The following COL8A1 variants were observed in gnomAD, a reference collection of about 807,000 sequenced individuals.
COL8A1 encodes the protein collagen type VIII alpha 1 chain, also known as collagen alpha-1(VIII) chain.
A neutral mutation model predicts 42.7 loss-of-function variants in COL8A1; 21 were observed. The observed-to-expected ratio is 0.49, with a 90% CI of 0.35 to 0.71. The LOEUF is 0.71. COL8A1 is among the 30% of genes least tolerant of loss of function. The pLI is 0.01. For synonymous variants in COL8A1, 367 were observed against 369.1 expected, an observed-to-expected ratio of 0.99 and a Z score of 0.06; for missense variants, 788 against 962.4, an observed-to-expected ratio of 0.82 and a Z score of 2.40.
At chr3:99,647,390 A>G (rs533221442) in intron 1 of COL8A1, among the ~76,000 whole-genome samples, 30 of 152,338 alleles carry the variant, frequency 2.0e-4, no homozygotes, top group Middle Eastern at 3.4e-3. Context: ...GGGAAACAGG[A>G]ACAAAAGAAG....
intron 1 of COL8A1, among the ~76,000 whole-genome samples, chr3:99,710,463 G>A (rs948228404): frequency 1.3e-5 from 2 of 152,118 alleles, no homozygotes; most frequent in Non-Finnish European, 2.9e-5. Flanking sequence ...CAAATAAAAG[G>A]GACATTGTTA....
intron 1 of COL8A1, among the ~76,000 whole-genome samples, chr3:99,661,853 G>A (rs946379077): frequency 1.3e-5 from 2 of 152,146 alleles, no homozygotes; most frequent in African/African-American, 2.4e-5. Context: ...AAGTGAAATA[G>A]GCCAGTCACA....
At chr3:99,703,936 C>A (rs948063528) in intron 1 of COL8A1, among the ~76,000 whole-genome samples, 6 of 152,124 alleles carry the variant, frequency 3.9e-5, no homozygotes, top group South Asian at 2.1e-4. Context: ...TTTTTTAATT[C>A]AATGCCTTGT....
intron 1 of COL8A1, among the ~76,000 whole-genome samples, chr3:99,699,796 C>A (rs1371145828): frequency 1.3e-5 from 2 of 152,146 alleles, no homozygotes; most frequent in Non-Finnish European, 2.9e-5. Flanking sequence ...CTCCCCCGTC[C>A]CACCTCACAT....
chr3:99,783,075 C>T (rs951926149), intron 2 of COL8A1, among the ~76,000 whole-genome samples: 2 of 152,068 alleles, frequency 1.3e-5, no homozygotes, highest in African/African-American at 4.8e-5. Flanking sequence ...CCAGATGTTT[C>T]CCAACTCCTT....
At chr3:99,732,166 C>A (rs952071567) in intron 1 of COL8A1, among the ~76,000 whole-genome samples, 3 of 152,112 alleles carry the variant, frequency 2.0e-5, no homozygotes, top group African/African-American at 7.2e-5. Flanking sequence ...ACGATTAATG[C>A]ATTCTTATTT....
At chr3:99,733,977 C>T (rs1940614893) in intron 1 of COL8A1, among the ~76,000 whole-genome samples, 1 of 152,004 alleles carries the variant, frequency 6.6e-6, no homozygotes, top group South Asian at 2.1e-4. Flanking sequence ...ATGTCCTTCG[C>T]CCACTTTTTG....
At chr3:99,730,102 T>G (rs1940457367) in intron 1 of COL8A1, among the ~76,000 whole-genome samples, 2 of 152,172 alleles carry the variant, frequency 1.3e-5, no homozygotes, top group African/African-American at 4.8e-5. Context: ...TCCTGATTCC[T>G]CTTCACCAAT....
intron 2 of COL8A1, among the ~76,000 whole-genome samples, chr3:99,752,140 A>G (rs958244931): frequency 1.3e-5 from 2 of 152,188 alleles, no homozygotes; most frequent in Non-Finnish European, 1.5e-5. Context: ...AGTAAACATG[A>G]AAGCTCTTTT....
Position 99,790,754 on chromosome 3 carries a change from C to G in COL8A1, c.72C>G (p.Leu24=). The G allele has an allele frequency of 6.2e-7, 1 of 1,614,162 alleles. No individual in the cohort carries two copies. Among genetic ancestry groups the G allele is most frequent in the Non-Finnish European group, 8.5e-7 (1 of 1,180,036 alleles). ...LLTISLSSIR[L]IQAGAYYGIK... ...CCATTTCCCTGAGTTCCATCAGGCT[C>G]ATTCAGGCTGGTGCCTACTATGGGA... Residue 24 remains leucine (L), a synonymous_variant, in exon 3 of 4, where the codon CTC becomes CTG. Coordinates refer to ENST00000652472, the MANE Select transcript of COL8A1 (RefSeq NM_020351.4).
At chr3:99,652,903 C>T (rs1430418872) in intron 1 of COL8A1, among the ~76,000 whole-genome samples, 1 of 152,134 alleles carries the variant, frequency 6.6e-6, no homozygotes, top group Non-Finnish European at 1.5e-5. Context: ...CTTAAATTAT[C>T]TATGGGAAGC....
intron 1 of COL8A1, among the ~76,000 whole-genome samples, chr3:99,701,069 T>C (rs114056509): frequency 2.5e-3 from 379 of 152,330 alleles, no homozygotes; most frequent in African/African-American, 8.8e-3. Flanking sequence ...ATAGCATGAA[T>C]TTCTTTTCCT....
intron 1 of COL8A1, among the ~76,000 whole-genome samples, chr3:99,682,955 C>T (rs1247492741): frequency 6.6e-6 from 1 of 152,154 alleles, no homozygotes; most frequent in Non-Finnish European, 1.5e-5. Flanking sequence ...GTGAAATATG[C>T]CACGAAGTGT....
chr3:99,749,936 C>A (rs1281261615), intron 2 of COL8A1, among the ~76,000 whole-genome samples: 1 of 150,174 alleles, frequency 6.7e-6, no homozygotes, highest in Admixed American at 6.6e-5. Flanking sequence ...GATAAGTTAT[C>A]TTTGAAGGTA....
At chr3:99,690,294 T>C (rs1401842167) in intron 1 of COL8A1, among the ~76,000 whole-genome samples, 1 of 152,250 alleles carries the variant, frequency 6.6e-6, no homozygotes, top group African/African-American at 2.4e-5. Context: ...AAGGAAAATA[T>C]ATATTAATCA....
chr3:99,758,551 A>C (rs1941304535), intron 2 of COL8A1, among the ~76,000 whole-genome samples: 1 of 152,208 alleles, frequency 6.6e-6, no homozygotes, highest in South Asian at 2.1e-4. Flanking sequence ...TTTAATCACA[A>C]GCTGTTCATT....
intron 2 of COL8A1, among the ~76,000 whole-genome samples, chr3:99,773,841 T>TATATATATATATA (rs1381763910): frequency 7.0e-5 from 6 of 85,648 alleles, no homozygotes; most frequent in Admixed American, 1.1e-4. Flanking sequence ...ATATATATTT[T>TATATATATATATA]TTTTTTTTTT....
intron 1 of COL8A1, chr3:99,679,143 C>A (rs1938789946): frequency 6.6e-6 from 1 of 152,192 alleles, no homozygotes; most frequent in Non-Finnish European, 1.5e-5. Context: ...TTGTTTCTTT[C>A]TGAGCCAAGG....
chr3:99,697,213 C>T (rs1004009397), intron 1 of COL8A1, among the ~76,000 whole-genome samples: 3 of 151,842 alleles, frequency 2.0e-5, no homozygotes, highest in East Asian at 1.9e-4. Flanking sequence ...GTCTCGATCT[C>T]CTGACCTCGT....
Sources: gnomAD v4.1 joint callset for allele counts (sites outside exome capture counted in the v4.1 genomes callset) on GRCh38, gnomAD v4.1.1 for gene constraint, MANE v1.5 for transcripts, NCBI Gene and HGNC (gene_info 2026-07-23, HGNC 2026-07-21) for gene names.